MAST2: variants seen among roughly 807,000 people sequenced by gnomAD.
The protein encoded by MAST2 is microtubule-associated serine/threonine-protein kinase 2.
In MAST2, 70 loss-of-function variants were observed where a neutral mutation model predicts 147.4. That is an observed-to-expected ratio of 0.47 (90% CI 0.39 to 0.58). The LOEUF is 0.58. Ranked by LOEUF, MAST2 falls within the 20% of genes least tolerant of loss-of-function variation. The pLI, the probability that MAST2 is intolerant of heterozygous loss-of-function variation, is 0.00. For synonymous variants in MAST2, 869 were observed against 896.8 expected, an observed-to-expected ratio of 0.97 and a Z score of 0.55; for missense variants, 2,080 against 2,302.3, an observed-to-expected ratio of 0.90 and a Z score of 1.98.
chr1:45,848,317 AAG>A (rs1156399379), intron 3 of MAST2, among the ~76,000 whole-genome samples: 1 of 152,214 alleles, frequency 6.6e-6, no homozygotes, highest in Non-Finnish European at 1.5e-5. Flanking sequence ...CTTGAATGAT[AAG>A]AGTGACTTAC....
chr1:45,824,639 G>A (rs1259805132), intron 2 of MAST2, 59 bp downstream of exon 2: 179 of 1,464,072 alleles, frequency 1.2e-4, no homozygotes, highest in Non-Finnish European at 1.5e-4. Context: ...ATATTTAAGT[G>A]TATATTAATT....
In MAST2 at chr1:45,934,354, C is replaced by G. The variant is rs1426492155; in HGVS notation, c.501-25032C>G. On this transcript the variant is annotated intron_variant, in intron 4 of 28. Coordinates refer to ENST00000361297, the MANE Select transcript of MAST2 (RefSeq NM_015112.3). ...CAAAAAAATTAGCCGGGCTTGGTGG[C>G]AGGTGCCTGTATTTCCAGCTACTCG... is the stretch of plus-strand genomic sequence containing the variant. Among the ~76,000 whole-genome samples, 3 of 152,128 alleles carry G rather than the reference C, an allele frequency of 2.0e-5. No homozygotes were observed. The East Asian group carries it at 5.8e-4, about 29-fold the overall frequency.
At chr1:45,886,311 AGTACAC>A in intron 4 of MAST2, among the ~76,000 whole-genome samples, 1 of 73,064 alleles carries the variant, frequency 1.4e-5, no homozygotes, top group Admixed American at 1.4e-4. Flanking sequence ...TGTATCTATA[AGTACAC>A]ACACACACAC....
intron 3 of MAST2, among the ~76,000 whole-genome samples, chr1:45,831,980 A>G (rs574406110): frequency 6.6e-6 from 1 of 152,070 alleles, no homozygotes; most frequent in East Asian, 1.9e-4. Flanking sequence ...GGGTTTCACC[A>G]TGTTGGCCAG....
At chr1:45,980,302 A>T (rs1644355544) in intron 5 of MAST2, among the ~76,000 whole-genome samples, 1 of 145,560 alleles carries the variant, frequency 6.9e-6, no homozygotes, top group African/African-American at 2.5e-5. Flanking sequence ...AAAAAAGGCA[A>T]CAAAAGATTG....
chr1:45,994,556 G>C (rs529874848), intron 5 of MAST2, among the ~76,000 whole-genome samples: 1 of 152,146 alleles, frequency 6.6e-6, no homozygotes, highest in South Asian at 2.1e-4. Context: ...CAAAGTGCTA[G>C]GTGAGTGCTA....
chr1:45,926,616 T>C (rs1654409157), intron 4 of MAST2, among the ~76,000 whole-genome samples: 1 of 152,224 alleles, frequency 6.6e-6, no homozygotes, highest in Non-Finnish European at 1.5e-5. Flanking sequence ...AGACCATTTT[T>C]TGGCAATGAG....
At position 46,008,382 on chromosome 1, in the gene MAST2, A is replaced by G. The variant is rs373102480; in HGVS notation, c.978+11A>G. 6.9e-6 allele frequency: 11 copies of G among 1,600,572 alleles called. No individual in the cohort carries two copies. Among genetic ancestry groups the G allele is most frequent in the Non-Finnish European group, 5.1e-6 (6 of 1,167,756 alleles). On this transcript the variant is annotated intron_variant, in intron 9 of 28. Transcript: ENST00000361297. ...GAAAGATTCCCAAAGGTAAGGATCC[A>G]TTTAAAAGGAGAGTGGCAATACCCC...
chr1:45,964,329 G>C (rs905698742), intron 5 of MAST2, among the ~76,000 whole-genome samples: 8 of 152,182 alleles, frequency 5.3e-5, no homozygotes, highest in Non-Finnish European at 1.0e-4. Context: ...GAATTCAGCT[G>C]TGGATCCATC....
At chr1:45,804,197 G>A (rs1441845202) in intron 1 of MAST2, 125 bp downstream of exon 1, 5 of 1,138,520 alleles carry the variant, frequency 4.4e-6, no homozygotes, top group Admixed American at 4.3e-5. Context: ...GGGGAGGAGT[G>A]GGAGGTCTGG....
rs530538533 is a variant in MAST2 at position 45,948,429 on chromosome 1, C to T, written c.501-10957C>T. ...TTTAAAAAATTATATGGAACCGGGCCGGGTGCGGTGGCTCACGCCTGTAAT... is the reference window on the plus strand; with the variant it reads ...TTTAAAAAATTATATGGAACCGGGCTGGGTGCGGTGGCTCACGCCTGTAAT... On this transcript the variant is annotated intron_variant, in intron 4 of 28. Coordinates refer to ENST00000361297, the MANE Select transcript of MAST2 (RefSeq NM_015112.3). Among the ~76,000 whole-genome samples the T allele has an allele frequency of 1.1e-4, 17 of 152,042 alleles. No individual in the cohort carries two copies. The South Asian group carries it at 1.9e-3, about 17-fold the overall frequency.
intron 4 of MAST2, among the ~76,000 whole-genome samples, chr1:45,916,294 A>G (rs1034375421): frequency 4.6e-5 from 7 of 152,210 alleles, no homozygotes; most frequent in African/African-American, 1.7e-4. Context: ...TACTTAAGTA[A>G]TTTTTTTACC....
chr1:45,918,826 C>T (rs1372995851), intron 4 of MAST2, among the ~76,000 whole-genome samples: 1 of 152,072 alleles, frequency 6.6e-6, no homozygotes, highest in Non-Finnish European at 1.5e-5. Flanking sequence ...CAAAAGATCA[C>T]GCTGGGCTGG....
In MAST2 at chr1:46,023,103, C is replaced by T. The variant is rs1212018935; in HGVS notation, c.1486-130C>T. The T allele has an allele frequency of 1.7e-6, 2 of 1,190,024 alleles. No individual in the cohort carries two copies. The highest frequency in any genetic ancestry group is 1.3e-5 in the South Asian group (1 of 79,812). The allele number at this position is 1,190,024 out of a possible 1,614,324, so 73.7% of individuals were successfully genotyped here. ...TGACAGCAAACACTGAGAAGTCATT[C>T]TACTCCCAGAAGAATGAGCAGGAGA... is the stretch of plus-strand genomic sequence containing the variant. On this transcript the variant is annotated intron_variant, in intron 13 of 28. Coordinates refer to ENST00000361297, the MANE Select transcript of MAST2 (RefSeq NM_015112.3). The surrounding 1 kb of genome is among the most constrained non-coding windows in gnomAD (Gnocchi z 4.9).
chr1:45,878,375 C>CT (rs1646698976), intron 3 of MAST2, among the ~76,000 whole-genome samples: 1 of 151,986 alleles, frequency 6.6e-6, no homozygotes, highest in Non-Finnish European at 1.5e-5. Context: ...GTGAGAAAGA[C>CT]TATGAACAAA....
chr1:45,917,509 G>T (rs761507795), intron 4 of MAST2: 3 of 1,366,400 alleles, frequency 2.2e-6, no homozygotes, highest in Non-Finnish European at 2.9e-6. Flanking sequence ...GGCACTCCTT[G>T]TTCCAGCCGC....
intron 4 of MAST2, among the ~76,000 whole-genome samples, chr1:45,895,746 T>A (rs548806167): frequency 5.9e-5 from 9 of 152,282 alleles, no homozygotes; most frequent in Non-Finnish European, 2.9e-5. Context: ...CAGCATATCA[T>A]CAAAGAGAGA....
Position 46,033,818 on chromosome 1 carries a change from C to T in MAST2, c.3554C>T (p.Ala1185Val), listed in dbSNP as rs1220671564. 6.2e-7 allele frequency: 1 copy of T among 1,614,134 alleles called. No individual in the cohort carries two copies. The highest frequency in any genetic ancestry group is 1.7e-5 in the Admixed American group (1 of 60,018). Reference sequence around the variant, plus strand: ...GCTCCCCAGAGTGGAAACAAGGTGGCCATTTCAACAACTCCCCTGGAGAAC... The same window carrying T: ...GCTCCCCAGAGTGGAAACAAGGTGGTCATTTCAACAACTCCCCTGGAGAAC... Reference protein sequence around the residue: ...ELILKSGNKVAISTTPLENTS... With the variant: ...ELILKSGNKVVISTTPLENTS... The change falls in exon 27 of 29, where the codon GCC becomes GTC. Residue 1185 changes from alanine to valine, a missense_variant. Ala to Val is a moderately conservative substitution (Grantham distance 64). Coordinates refer to ENST00000361297, the MANE Select transcript of MAST2 (RefSeq NM_015112.3).
chr1:45,878,013 G>A (rs896653289), intron 3 of MAST2, among the ~76,000 whole-genome samples: 2 of 152,074 alleles, frequency 1.3e-5, no homozygotes, highest in Non-Finnish European at 1.5e-5. Flanking sequence ...AGACCAGCCT[G>A]GCTAACATGG....
Sources: allele counts gnomAD v4.1 joint callset (sites outside exome capture counted in the v4.1 genomes callset), GRCh38; gene constraint gnomAD v4.1.1; non-coding constraint Gnocchi (gnomAD v3.1); transcripts MANE v1.5; gene names NCBI Gene and HGNC (gene_info 2026-07-23, HGNC 2026-07-21).